The following NRG3 variants were observed in gnomAD, a reference collection of about 807,000 sequenced individuals.
The protein encoded by NRG3 is pro-neuregulin-3, membrane-bound isoform.
Under a neutral mutation model 66.9 loss-of-function variants are expected in NRG3, and 31 were observed. The observed-to-expected ratio is 0.46, with a 90% CI of 0.35 to 0.63. The LOEUF (loss-of-function observed/expected upper bound fraction) is 0.63, where lower values mean the gene tolerates loss of function less well. Among genes scored for constraint, NRG3 ranks in the 20% least tolerant of loss-of-function variants. The pLI is 0.00. For missense variants in NRG3, 910 were observed against 878.9 expected (o/e 1.04, Z -0.45); for synonymous variants, 393 against 359.4 (o/e 1.09, Z -1.06).
At chr10:82,899,385 A>G (rs1029060248) in intron 4 of NRG3, among the ~76,000 whole-genome samples, 11 of 152,166 alleles carry the variant, frequency 7.2e-5, no homozygotes, top group African/African-American at 2.7e-4. Flanking sequence ...ACTTAACAGT[A>G]TGAACAAAAT....
chr10:82,436,825 G>T (rs560880369), intron 2 of NRG3, among the ~76,000 whole-genome samples: 19 of 152,234 alleles, frequency 1.2e-4, no homozygotes, highest in African/African-American at 4.6e-4. Flanking sequence ...GAAATTCTGG[G>T]TTGAAAATTA....
chr10:82,111,599 T>A (rs895335742), intron 1 of NRG3, among the ~76,000 whole-genome samples: 1 of 152,160 alleles, frequency 6.6e-6, no homozygotes, highest in African/African-American at 2.4e-5. Context: ...GACCAAGATC[T>A]ATCCATGAAC....
chr10:82,609,457 C>T (rs1454008128), intron 2 of NRG3, among the ~76,000 whole-genome samples: 1 of 152,104 alleles, frequency 6.6e-6, no homozygotes, highest in East Asian at 1.9e-4. Context: ...AGGAAAATCT[C>T]ACCTTTTCTA....
chr10:82,361,495 A>G (rs371024713), intron 2 of NRG3, among the ~76,000 whole-genome samples: 1 of 152,200 alleles, frequency 6.6e-6, no homozygotes. Flanking sequence ...AAAAATTCCA[A>G]TGTAGTTATT....
chr10:82,524,142 T>G (rs530734887), intron 2 of NRG3, among the ~76,000 whole-genome samples: 2 of 152,074 alleles, frequency 1.3e-5, no homozygotes, highest in Admixed American at 6.5e-5. Context: ...TTTGTGATTA[T>G]CTATTCAAGA....
chr10:82,020,261 T>A (rs2062000581), intron 1 of NRG3, among the ~76,000 whole-genome samples: 1 of 152,152 alleles, frequency 6.6e-6, no homozygotes, highest in Non-Finnish European at 1.5e-5. Flanking sequence ...AGAAATCACA[T>A]ATTTGTAGAA....
At chr10:82,242,376 C>G (rs1389439654) in intron 1 of NRG3, among the ~76,000 whole-genome samples, 1 of 152,038 alleles carries the variant, frequency 6.6e-6, no homozygotes, top group African/African-American at 2.4e-5. Flanking sequence ...CATTGAGTAC[C>G]CATCAAGTGC....
intron 4 of NRG3, among the ~76,000 whole-genome samples, chr10:82,926,702 A>G (rs1005633392): frequency 6.6e-5 from 10 of 152,244 alleles, no homozygotes; most frequent in Non-Finnish European, 7.3e-5. Context: ...ACATTGATTA[A>G]TGCAATAAGA....
chr10:82,625,671 A>G (rs1358084207), intron 2 of NRG3, among the ~76,000 whole-genome samples: 2 of 152,144 alleles, frequency 1.3e-5, no homozygotes, highest in Non-Finnish European at 2.9e-5. Flanking sequence ...ATTAGATTTC[A>G]TGCACCACTG....
Position 82,985,728 on chromosome 10 carries a change from C to A in NRG3, c.*123C>A. ...ACTTAGAAGAAACCAAATAGTCTAT[C>A]GCCCTCATATCATAGTGTTTTTTAA... On this transcript the variant is annotated 3_prime_UTR_variant, in exon 9 of 9. Coordinates refer to ENST00000372141, the MANE Select transcript of NRG3 (RefSeq NM_001010848.4). 2.0e-6 allele frequency: 2 copies of A among 1,019,186 alleles called. No individual in the cohort carries two copies. The highest frequency in any genetic ancestry group is 2.9e-6 in the Non-Finnish European group (2 of 699,706). The allele number at this position is 1,019,186 out of a possible 1,614,324, so 63.1% of individuals were successfully genotyped here. A position where few individuals can be genotyped will look rare whatever the true frequency, so the allele number is the denominator to read the frequency against.
intron 1 of NRG3, among the ~76,000 whole-genome samples, chr10:81,938,619 G>GTGTGTGTA: frequency 2.5e-5 from 1 of 39,728 alleles, no homozygotes; most frequent in Admixed American, 3.3e-4. Context: ...AGTTCTGACA[G>GTGTGTGTA]TGTGTGTGTG....
intron 3 of NRG3, among the ~76,000 whole-genome samples, chr10:82,850,658 T>C (rs1261177308): frequency 6.6e-6 from 1 of 152,108 alleles, no homozygotes; most frequent in Non-Finnish European, 1.5e-5. Flanking sequence ...TGTTTAAATA[T>C]TTTGTTTAGT....
rs189412852 is a variant in NRG3, at chr10:81,992,577, G to A, written c.823+116414G>A. Reference sequence around the variant, plus strand: ...TTCTACCATAACAAATGATTTCTTTGCATTATTGCAAATACAGATTTCAGC... The same window carrying A: ...TTCTACCATAACAAATGATTTCTTTACATTATTGCAAATACAGATTTCAGC... On this transcript the variant is annotated intron_variant, in intron 1 of 8. Transcript: ENST00000372141. Among the ~76,000 whole-genome samples, 329 of 152,252 alleles carry A rather than the reference G, an allele frequency of 2.2e-3. 1 individual carries two copies. The highest frequency in any genetic ancestry group is 0.01 in the Middle Eastern group (3 of 294).
At chr10:82,055,636 G>A (rs1265149787) in intron 1 of NRG3, among the ~76,000 whole-genome samples, 1 of 152,046 alleles carries the variant, frequency 6.6e-6, no homozygotes, top group Non-Finnish European at 1.5e-5. Flanking sequence ...TATAAAAGGA[G>A]CAAAGAGCAA....
At chr10:82,044,522 G>C (rs1158157146) in intron 1 of NRG3, among the ~76,000 whole-genome samples, 1 of 151,944 alleles carries the variant, frequency 6.6e-6, no homozygotes, top group African/African-American at 2.4e-5. Context: ...ACCCCAGCTG[G>C]AAATCAGTGT....
chr10:81,913,447 A>G (rs1845368717), intron 1 of NRG3, among the ~76,000 whole-genome samples: 1 of 151,240 alleles, frequency 6.6e-6, no homozygotes, highest in Non-Finnish European at 1.5e-5. Flanking sequence ...TCTTTGAGAC[A>G]GAGTCTCACT....
chr10:82,310,188 T>C (rs2080950372), intron 1 of NRG3, among the ~76,000 whole-genome samples: 1 of 152,206 alleles, frequency 6.6e-6, no homozygotes, highest in South Asian at 2.1e-4. Flanking sequence ...ATTGCTGCAA[T>C]ATCATTTATC....
intron 1 of NRG3, among the ~76,000 whole-genome samples, chr10:82,230,616 G>A (rs2076409229): frequency 6.6e-6 from 1 of 151,058 alleles, no homozygotes; most frequent in African/African-American, 2.4e-5. Context: ...AATGAATAGA[G>A]GAATTACAGC....
chr10:82,426,599 T>TATAATAA (rs2089457524), intron 2 of NRG3, among the ~76,000 whole-genome samples: 1 of 4,100 alleles, frequency 2.4e-4, no homozygotes, highest in African/African-American at 1.5e-3. Flanking sequence ...CTCAATGGAA[T>TATAATAA]TATTATTATT....
Sources: gnomAD v4.1 joint callset for allele counts (sites outside exome capture counted in the v4.1 genomes callset) on GRCh38, gnomAD v4.1.1 for gene constraint, MANE v1.5 for transcripts, NCBI Gene and HGNC (gene_info 2026-07-23, HGNC 2026-07-21) for gene names.